PCDHAC1: variants seen among roughly 807,000 people sequenced by gnomAD.
PCDHAC1 encodes protocadherin alpha subfamily C, 1, also known as protocadherin alpha-C1.
Under a neutral mutation model 60.0 loss-of-function variants are expected in PCDHAC1, and 42 were observed. That is an observed-to-expected ratio of 0.70 (90% confidence interval 0.55 to 0.90). PCDHAC1 has a LOEUF of 0.90. PCDHAC1 is among the 40% of genes least tolerant of loss of function. The pLI, the probability that PCDHAC1 is intolerant of heterozygous loss-of-function variation, is 0.00. For synonymous variants in PCDHAC1, 468 were observed against 499.3 expected, an observed-to-expected ratio of 0.94 and a Z score of 0.84; for missense variants, 1,160 against 1,222.3, an observed-to-expected ratio of 0.95 and a Z score of 0.76.
At chr5:140,984,643 C>G (rs1300632981) in intron 3 of PCDHAC1, among the ~76,000 whole-genome samples, 3 of 152,152 alleles carry the variant, frequency 2.0e-5, no homozygotes, top group Non-Finnish European at 4.4e-5. Context: ...TCTGCCTTCT[C>G]CCTGTCCTTC....
At chr5:141,006,375 CTAAG>C (rs2098270775) in intron 3 of PCDHAC1, among the ~76,000 whole-genome samples, 1 of 151,930 alleles carries the variant, frequency 6.6e-6, no homozygotes, top group Admixed American at 6.6e-5. Flanking sequence ...CCACGCCCGG[CTAAG>C]TTTTTTCTAT....
At chr5:140,951,082 C>G (rs1563248212) in intron 1 of PCDHAC1, among the ~76,000 whole-genome samples, 1 of 151,404 alleles carries the variant, frequency 6.6e-6, no homozygotes, top group African/African-American at 2.4e-5. Context: ...TTATATTTTC[C>G]TTTTTTTCTG....
rs782619485 is a variant in PCDHAC1 at position 140,927,450 on chromosome 5, G to A, written c.558G>A (p.Val186=). The A allele has an allele frequency of 1.9e-6, 3 of 1,614,188 alleles. No homozygotes were observed. Among genetic ancestry groups the A allele is most frequent in the South Asian group, 1.1e-5 (1 of 91,088 alleles). ...RVDGSEYPEL[V]LEKALDREQR... ...ACGGCAGCGAATACCCGGAGTTGGT[G>A]TTGGAGAAAGCACTGGATCGCGAAC... The change falls in exon 1 of 4, where the codon GTG becomes GTA. Residue 186 remains valine (V), a synonymous_variant. Transcript: ENST00000253807.
At chr5:141,000,950 T>C (rs781867970) in intron 3 of PCDHAC1, among the ~76,000 whole-genome samples, 2 of 152,214 alleles carry the variant, frequency 1.3e-5, no homozygotes, top group Non-Finnish European at 2.9e-5. Flanking sequence ...ATTATCTTGC[T>C]GTAATTTAAG....
chr5:140,996,403 G>A (rs2097725218), intron 3 of PCDHAC1, among the ~76,000 whole-genome samples: 2 of 152,216 alleles, frequency 1.3e-5, no homozygotes, highest in South Asian at 4.1e-4. Context: ...AGTTTCAGGT[G>A]GGGCAGGCAG....
In PCDHAC1 at chr5:140,966,984, G is replaced by A. The variant is rs1217682338; in HGVS notation, c.2434-11965G>A. 4.4e-6 allele frequency: 7 copies of A among 1,603,802 alleles called. No individual in the cohort carries two copies. In the Admixed American group the frequency reaches 5.0e-5, roughly 11 times the overall value. Reference sequence around the variant, plus strand: ...CTGGGGCTTGAGCTGCGGCGCTTGGGGCCGGGTTGCTTGCGCATCAACCAT... The same window carrying A: ...CTGGGGCTTGAGCTGCGGCGCTTGGAGCCGGGTTGCTTGCGCATCAACCAT... On this transcript the variant is annotated intron_variant, in intron 1 of 3. Transcript: ENST00000253807.
chr5:140,979,197 T>C (rs954222917), intron 2 of PCDHAC1, among the ~76,000 whole-genome samples, 190 bp downstream of exon 2: 2 of 152,214 alleles, frequency 1.3e-5, no homozygotes, highest in Non-Finnish European at 2.9e-5. Flanking sequence ...CAGATGCTTA[T>C]CAAGTGCTGG....
chr5:140,927,070 A>G lies in PCDHAC1; in HGVS notation c.178A>G (p.Ser60Gly), dbSNP rs1697871410. The G allele has an allele frequency of 1.9e-6, 3 of 1,610,816 alleles. No individual in the cohort carries two copies. The highest frequency in any genetic ancestry group is 2.5e-6 in the Non-Finnish European group (3 of 1,177,760). Residue 60 changes from serine to glycine, a missense_variant, in exon 1 of 4, where the codon AGC becomes GGC. This residue lies in a region of PCDHAC1 where 1,113 missense variants were observed against 1,163.7 expected (regional missense o/e 0.96). Transcript: ENST00000253807. ...MSSRNFRFLSSHRELYFGVDL... is the reference protein window; with the variant it reads ...MSSRNFRFLSGHRELYFGVDL... The stretch of plus-strand genomic sequence containing the variant: ...CTCGCGGAACTTTCGCTTCCTTTCC[A>G]GCCACCGCGAGCTCTACTTCGGGGT...
At chr5:140,933,527 A>G (rs1324786303) in intron 1 of PCDHAC1, among the ~76,000 whole-genome samples, 1 of 152,060 alleles carries the variant, frequency 6.6e-6, no homozygotes, top group African/African-American at 2.4e-5. Flanking sequence ...TTTTGTTTAA[A>G]CTCAAAATAA....
intron 3 of PCDHAC1, among the ~76,000 whole-genome samples, chr5:140,996,819 C>T (rs1446677147): frequency 6.6e-6 from 1 of 152,142 alleles, no homozygotes; most frequent in East Asian, 1.9e-4. Context: ...CAAAAGTAAC[C>T]ACTACCAATA....
rs555492959 is a variant in PCDHAC1, at chr5:140,928,716, C to G, written c.1824C>G (p.Leu608=). 1.9e-6 allele frequency: 3 copies of G among 1,614,178 alleles called. No individual in the cohort carries two copies. Among genetic ancestry groups the G allele is most frequent in the Non-Finnish European group, 2.5e-6 (3 of 1,180,032 alleles). Reference sequence around the variant, plus strand: ...TCTCCCGGGCGTCTGACTCTAGTCTCTTTAGAATTTCAGCCAATATAGGTG... The same window carrying G: ...TCTCCCGGGCGTCTGACTCTAGTCTGTTTAGAATTTCAGCCAATATAGGTG... ...YHISRASDSS[L]FRISANIGEL... is the part of the protein sequence containing the mutation. Residue 608 remains leucine (L), a synonymous_variant, in exon 1 of 4, where the codon CTC becomes CTG. Transcript: ENST00000253807.
At chr5:140,981,332 G>A (rs1407839547) in intron 2 of PCDHAC1, among the ~76,000 whole-genome samples, 1 of 152,182 alleles carries the variant, frequency 6.6e-6, no homozygotes, top group Non-Finnish European at 1.5e-5. Context: ...CCAGCACTTT[G>A]GGAGGGTGAG....
At chr5:141,005,769 G>A (rs1421440870) in intron 3 of PCDHAC1, among the ~76,000 whole-genome samples, 3 of 129,926 alleles carry the variant, frequency 2.3e-5, no homozygotes, top group Non-Finnish European at 4.9e-5. Context: ...AAGCAAACCA[G>A]ATGTGTAAAG....
At chr5:140,977,588 A>G (rs1237547807) in intron 1 of PCDHAC1, among the ~76,000 whole-genome samples, 1 of 152,182 alleles carries the variant, frequency 6.6e-6, no homozygotes, top group Non-Finnish European at 1.5e-5. Context: ...GAGAGCAGTT[A>G]GCATGTGAGG....
At position 140,997,438 on chromosome 5, in the gene PCDHAC1, A is replaced by G. The variant is rs182158337; in HGVS notation, c.2582-12189A>G. ...CTCCTAGGCTACAAACCTGTATATC[A>G]TGTTACTATACTGAATACTGTAGGC... On this transcript the variant is annotated intron_variant, in intron 3 of 3. Transcript: ENST00000253807. Among the ~76,000 whole-genome samples, 274 of 152,308 alleles carry G rather than the reference A, an allele frequency of 1.8e-3. 2 individuals are homozygous for G. The highest frequency in any genetic ancestry group is 6.0e-3 in the African/African-American group (248 of 41,560).
rs1554225842 is a variant in PCDHAC1 at position 140,962,164 on chromosome 5, C to T, written c.2434-16785C>T. Among the ~76,000 whole-genome samples the T allele has an allele frequency of 2.0e-5, 3 of 152,236 alleles. No individual in the cohort carries two copies. In the South Asian group the frequency reaches 6.2e-4, roughly 32 times the overall value. On this transcript the variant is annotated intron_variant, in intron 1 of 3. Transcript: ENST00000253807. ...TGCTGGGATTACAGGCGTGAGCCAC[C>T]ACACCCGGCCACTTATATCACTTTT...
chr5:140,995,949 G>T (rs781875497), intron 3 of PCDHAC1, among the ~76,000 whole-genome samples: 1 of 152,160 alleles, frequency 6.6e-6, no homozygotes, highest in African/African-American at 2.4e-5. Context: ...CATAATGCAC[G>T]CAAAATGCTT....
chr5:140,980,110 A>G (rs2096876892), intron 2 of PCDHAC1, among the ~76,000 whole-genome samples: 1 of 152,208 alleles, frequency 6.6e-6, no homozygotes, highest in Admixed American at 6.5e-5. Context: ...GTCACATTGG[A>G]ACCTGGGTCA....
chr5:140,988,535 A>T (rs1426235004), intron 3 of PCDHAC1, among the ~76,000 whole-genome samples: 2 of 152,164 alleles, frequency 1.3e-5, no homozygotes, highest in Non-Finnish European at 2.9e-5. Flanking sequence ...GGCTCCATCC[A>T]TTCATGACTT....
Sources: allele counts gnomAD v4.1 joint callset (sites outside exome capture counted in the v4.1 genomes callset), GRCh38; gene constraint gnomAD v4.1.1; regional missense constraint gnomAD v4.1.1; transcripts MANE v1.5; gene names NCBI Gene and HGNC (gene_info 2026-07-23, HGNC 2026-07-21).